Variants in KCTD8 observed in about 807,000 individuals in gnomAD.
KCTD8 encodes potassium channel tetramerization domain containing 8, also known as BTB/POZ domain-containing protein KCTD8.
A neutral mutation model predicts 31.5 loss-of-function variants in KCTD8; 27 were observed. That is an observed-to-expected ratio of 0.86 (90% confidence interval 0.63 to 1.18). The LOEUF (loss-of-function observed/expected upper bound fraction) is 1.18. Ranked by LOEUF, KCTD8 falls within the 50% of genes most tolerant of loss-of-function variation. KCTD8 has a pLI of 0.00. For synonymous variants in KCTD8, 290 were observed against 280.0 expected, an observed-to-expected ratio of 1.04 and a Z score of -0.36; for missense variants, 658 against 647.7, an observed-to-expected ratio of 1.02 and a Z score of -0.17.
chr4:44,316,528 T>A (rs1301771590), intron 1 of KCTD8, among the ~76,000 whole-genome samples: 1 of 152,084 alleles, frequency 6.6e-6, no homozygotes, highest in African/African-American at 2.4e-5. Flanking sequence ...GAGCCAAATG[T>A]GTTTTCTCAC....
intron 1 of KCTD8, among the ~76,000 whole-genome samples, chr4:44,206,691 A>G (rs901411721): frequency 6.6e-6 from 1 of 152,144 alleles, no homozygotes; most frequent in African/African-American, 2.4e-5. Context: ...GAAAGCTTCT[A>G]TTTAGAAGGA....
chr4:44,298,406 G>GCCCCCCC (rs140926683), intron 1 of KCTD8, among the ~76,000 whole-genome samples: 1 of 149,750 alleles, frequency 6.7e-6, no homozygotes, highest in African/African-American at 2.4e-5. Context: ...CTAATGATCT[G>GCCCCCCC]CCCCCCCCAC....
intron 1 of KCTD8, among the ~76,000 whole-genome samples, chr4:44,229,983 T>C (rs974638800): frequency 6.6e-6 from 1 of 151,818 alleles, no homozygotes; most frequent in Non-Finnish European, 1.5e-5. Context: ...CCCCACCCCC[T>C]GACAGGCCCT....
chr4:44,312,619 T>C (rs1242793355), intron 1 of KCTD8, among the ~76,000 whole-genome samples: 2 of 152,172 alleles, frequency 1.3e-5, no homozygotes, highest in African/African-American at 2.4e-5. Context: ...GAAAAAAGCA[T>C]TACATATCCC....
intron 1 of KCTD8, among the ~76,000 whole-genome samples, chr4:44,256,633 C>T (rs954218531): frequency 4.0e-5 from 6 of 151,732 alleles, no homozygotes; most frequent in Non-Finnish European, 7.4e-5. Flanking sequence ...GGTACTTATC[C>T]TGTATAATCT....
At chr4:44,202,902 A>G (rs1560393627) in intron 1 of KCTD8, among the ~76,000 whole-genome samples, 1 of 152,212 alleles carries the variant, frequency 6.6e-6, no homozygotes, top group Non-Finnish European at 1.5e-5. Context: ...GCAGTATTAA[A>G]TAGGAAAATA....
At chr4:44,264,257 T>C (rs1007461990) in intron 1 of KCTD8, among the ~76,000 whole-genome samples, 21 of 152,240 alleles carry the variant, frequency 1.4e-4, no homozygotes, top group African/African-American at 4.3e-4. Flanking sequence ...CTATTCTTTA[T>C]AGAATTTTTT....
chr4:44,232,278 T>C (rs998449078), intron 1 of KCTD8, among the ~76,000 whole-genome samples: 4 of 152,154 alleles, frequency 2.6e-5, no homozygotes, highest in African/African-American at 9.7e-5. Context: ...TGGTTAATTT[T>C]TCAAGATCCT....
intron 1 of KCTD8, among the ~76,000 whole-genome samples, chr4:44,212,814 C>G (rs756603354): frequency 2.6e-5 from 4 of 152,164 alleles, no homozygotes; most frequent in Admixed American, 2.6e-4. Flanking sequence ...CTGGCAATTT[C>G]AGTCCATTTA....
Position 44,263,116 on chromosome 4 carries a change from G to A in KCTD8, c.962-87866C>T, listed in dbSNP as rs191010429. On this transcript the variant is annotated intron_variant, in intron 1 of 1. Coordinates refer to ENST00000360029, the MANE Select transcript of KCTD8 (RefSeq NM_198353.3). ...TTCTTTCCTCTCCCACTGCAGCAAC[G>A]GAAAGCATATGGTATTTTTTCTTTT... 1.2e-4 allele frequency among the ~76,000 whole-genome samples: 18 copies of A among 152,076 alleles called. No homozygotes were observed. The South Asian group carries it at 2.7e-3, about 23-fold the overall frequency.
At chr4:44,382,071 T>C (rs889738945) in intron 1 of KCTD8, among the ~76,000 whole-genome samples, 2 of 152,032 alleles carry the variant, frequency 1.3e-5, no homozygotes, top group African/African-American at 4.8e-5. Context: ...CACTCAGATA[T>C]ATAAAGCAAA....
At chr4:44,398,788 C>T (rs575510618) in intron 1 of KCTD8, among the ~76,000 whole-genome samples, 1 of 152,204 alleles carries the variant, frequency 6.6e-6, no homozygotes, top group Admixed American at 6.5e-5. Flanking sequence ...GCATACCCCA[C>T]ATGGAAGAAA....
chr4:44,300,757 G>A (rs1717588763), intron 1 of KCTD8, among the ~76,000 whole-genome samples: 1 of 151,852 alleles, frequency 6.6e-6, no homozygotes, highest in Admixed American at 6.6e-5. Context: ...GGGTACACGT[G>A]CACAATGTGC....
chr4:44,390,360 C>T (rs1020353484), intron 1 of KCTD8, among the ~76,000 whole-genome samples: 7 of 151,994 alleles, frequency 4.6e-5, no homozygotes, highest in Admixed American at 3.9e-4. Flanking sequence ...ATGTGGCTTG[C>T]CAATTATCCC....
intron 1 of KCTD8, among the ~76,000 whole-genome samples, chr4:44,333,904 G>A (rs1417948604): frequency 6.6e-6 from 1 of 152,032 alleles, no homozygotes; most frequent in Non-Finnish European, 1.5e-5. Flanking sequence ...TCTTAGAAAG[G>A]TATAATATTC....
chr4:44,427,609 C>G (rs888454745), intron 1 of KCTD8, among the ~76,000 whole-genome samples: 1 of 151,546 alleles, frequency 6.6e-6, no homozygotes, highest in Non-Finnish European at 1.5e-5. Context: ...TAATAAAATA[C>G]TTTTCATACT....
At chr4:44,372,934 T>A (rs1719827349) in intron 1 of KCTD8, among the ~76,000 whole-genome samples, 1 of 152,186 alleles carries the variant, frequency 6.6e-6, no homozygotes, top group Non-Finnish European at 1.5e-5. Context: ...TATGGTAGGT[T>A]TCAGCAGCTC....
chr4:44,270,387 GT>G (rs1716551121), intron 1 of KCTD8, among the ~76,000 whole-genome samples: 1 of 119,424 alleles, frequency 8.4e-6, no homozygotes, highest in African/African-American at 3.2e-5. Context: ...TCTGGGGACT[GT>G]TGTGGGGTGG....
At chr4:44,259,696 C>G (rs916648319) in intron 1 of KCTD8, among the ~76,000 whole-genome samples, 1 of 151,982 alleles carries the variant, frequency 6.6e-6, no homozygotes, top group East Asian at 1.9e-4. Context: ...TTTCTCTGTA[C>G]GTGATATTTT....
Sources: allele counts gnomAD v4.1 joint callset (sites outside exome capture counted in the v4.1 genomes callset), GRCh38; gene constraint gnomAD v4.1.1; transcripts MANE v1.5; gene names NCBI Gene and HGNC (gene_info 2026-07-23, HGNC 2026-07-21).